The following SVIL variants were observed in gnomAD, a reference collection of about 807,000 sequenced individuals.
SVIL encodes archvillin.
SVIL carries 101 observed loss-of-function variants against 240.4 expected under a neutral mutation model. The observed-to-expected ratio is 0.42, with a 90% CI of 0.36 to 0.50. The LOEUF (loss-of-function observed/expected upper bound fraction) is 0.50. SVIL is among the 20% of genes least tolerant of loss of function. The probability of loss-of-function intolerance (pLI) is 0.01; values close to 1 mark genes in which losing one functional copy is unlikely to be tolerated. For synonymous variants in SVIL, 999 were observed against 1,100.0 expected, an observed-to-expected ratio of 0.91 and a Z score of 1.82; for missense variants, 2,512 against 2,818.7, an observed-to-expected ratio of 0.89 and a Z score of 2.46.
intron 1 of SVIL, among the ~76,000 whole-genome samples, chr10:29,623,666 C>T (rs548263050): frequency 9.2e-5 from 14 of 152,254 alleles, no homozygotes; most frequent in Admixed American, 5.2e-4. Context: ...CTGGCTAACA[C>T]GGGGAAACCC....
chr10:29,685,491 A>G (rs1197680863), intron 2 of SVIL, among the ~76,000 whole-genome samples: 1 of 152,200 alleles, frequency 6.6e-6, no homozygotes, highest in Non-Finnish European at 1.5e-5. Context: ...TCTTCAAGGA[A>G]TTGTCACACT....
Position 29,533,418 on chromosome 10 carries a change from G to T in SVIL, c.949C>A (p.Arg317=). Residue 317 remains arginine, a synonymous_variant, in exon 8 of 38, where the codon CGA becomes AGA. Coordinates refer to ENST00000355867, the MANE Select transcript of SVIL (RefSeq NM_021738.3). ...REKLVKEESA[R]NSPELASESV... is the part of the protein sequence containing the mutation. ...TCTGAGGCGAGTTCAGGGCTGTTTCGAGCACTTTCCTCTTTCACCAATTTT... is the reference window on the plus strand; with the variant it reads ...TCTGAGGCGAGTTCAGGGCTGTTTCTAGCACTTTCCTCTTTCACCAATTTT... The T allele has an allele frequency of 6.2e-7, 1 of 1,613,708 alleles. No individual in the cohort carries two copies. The highest frequency in any genetic ancestry group is 8.5e-7 in the Non-Finnish European group (1 of 1,179,834).
chr10:29,649,944 A>G (rs1958786210), intron 3 of SVIL, among the ~76,000 whole-genome samples: 1 of 152,232 alleles, frequency 6.6e-6, no homozygotes, highest in Non-Finnish European at 1.5e-5. Flanking sequence ...TTGCTATAAA[A>G]GTGCGTACAT....
At chr10:29,536,515 T>C (rs570536575) in intron 6 of SVIL, among the ~76,000 whole-genome samples, 16 of 152,108 alleles carry the variant, frequency 1.1e-4, no homozygotes, top group Non-Finnish European at 2.4e-4. Flanking sequence ...CTTCATGGAG[T>C]TTCCAGGACA....
chr10:29,496,772 T>C (rs1444987314), intron 18 of SVIL, among the ~76,000 whole-genome samples: 2 of 152,220 alleles, frequency 1.3e-5, no homozygotes, highest in African/African-American at 4.8e-5. Context: ...GATGTCAATG[T>C]GGACAAGGGC....
intron 2 of SVIL, among the ~76,000 whole-genome samples, chr10:29,665,923 G>A (rs564071325): frequency 6.6e-6 from 1 of 152,232 alleles, no homozygotes; most frequent in African/African-American, 2.4e-5. Context: ...CCCCCATAAC[G>A]GGGGAAAAAA....
chr10:29,719,308 C>T (rs779149535), intron 1 of SVIL, among the ~76,000 whole-genome samples: 4 of 152,238 alleles, frequency 2.6e-5, no homozygotes, highest in South Asian at 2.1e-4. Context: ...TCGGTATAAA[C>T]GGGTTAAGAA....
Position 29,470,425 on chromosome 10 carries a change from TTC to T in SVIL, c.5692_5693del (p.Glu1898SerfsTer6). 6.2e-7 allele frequency: 1 copy of T among 1,614,208 alleles called. No homozygotes were observed. Among genetic ancestry groups the T allele is most frequent in the Non-Finnish European group, 8.5e-7 (1 of 1,180,038 alleles). On this transcript the variant is annotated frameshift_variant, in exon 32 of 38. Transcript: ENST00000355867. LOFTEE classifies it high-confidence loss of function. ...GEVPVEGNLL[E>X]VACHCSSLRS... ...TCAGGCTGCTACAGTGACAGGCCAC[TTC>T]CAGCAAATTCCCTTCCACGGGCACC...
At chr10:29,639,451 G>A (rs1472774549), upstream of SVIL, among the ~76,000 whole-genome samples, 4 of 148,896 alleles carry the variant, frequency 2.7e-5, no homozygotes, top group Non-Finnish European at 4.4e-5. Context: ...TTACAGGCAT[G>A]AGCCACTGCG....
intron 34 of SVIL, 109 bp from the exon 35 acceptor site, chr10:29,463,744 A>AG: frequency 6.8e-7 from 1 of 1,463,098 alleles, no homozygotes; most frequent in Non-Finnish European, 9.1e-7. Flanking sequence ...GCAGTGTCAC[A>AG]GGGGGAAACC....
At chr10:29,629,189 G>A (rs2132943322) in intron 1 of SVIL, among the ~76,000 whole-genome samples, 1 of 152,242 alleles carries the variant, frequency 6.6e-6, no homozygotes, top group East Asian at 1.9e-4. Context: ...GAGAAGAGCA[G>A]AGTGGAAAAT....
chr10:29,696,725 C>G (rs569441635), intron 1 of SVIL, among the ~76,000 whole-genome samples: 1 of 150,712 alleles, frequency 6.6e-6, no homozygotes, highest in Non-Finnish European at 1.5e-5. Flanking sequence ...GCAACCGCCC[C>G]GTCTGAGAAG....
chr10:29,616,732 T>G (rs1386704574), intron 1 of SVIL, among the ~76,000 whole-genome samples: 1 of 152,094 alleles, frequency 6.6e-6, no homozygotes, highest in Non-Finnish European at 1.5e-5. Flanking sequence ...TCTTTTTTAT[T>G]TTGTTTGAGA....
At chr10:29,687,601 G>A (rs896380242) in intron 1 of SVIL, among the ~76,000 whole-genome samples, 3 of 152,204 alleles carry the variant, frequency 2.0e-5, no homozygotes, top group African/African-American at 4.8e-5. Flanking sequence ...TTCAATCTGG[G>A]AAGGGAGGTT....
intron 1 of SVIL, among the ~76,000 whole-genome samples, chr10:29,605,456 T>C (rs1055917390): frequency 6.6e-6 from 1 of 152,198 alleles, no homozygotes; most frequent in Non-Finnish European, 1.5e-5. Context: ...TTCTTTCCTC[T>C]TACTAAAAAT....
At chr10:29,664,659 T>C (rs1959196241) in intron 2 of SVIL, among the ~76,000 whole-genome samples, 1 of 151,184 alleles carries the variant, frequency 6.6e-6, no homozygotes. Context: ...GAAGAGTCAA[T>C]TTTATATTTC....
chr10:29,481,519 A>G (rs1388354323), intron 28 of SVIL, 65 bp downstream of exon 28: 3 of 1,601,304 alleles, frequency 1.9e-6, no homozygotes, highest in East Asian at 4.5e-5. Flanking sequence ...ATCATTTTAC[A>G]TGAAGGCCAC....
At position 29,532,779 on chromosome 10, in the gene SVIL, G is replaced by C. The variant is rs1951467557; in HGVS notation, c.1588C>G (p.Pro530Ala). The part of the protein sequence containing the change: ...QSEPVSQDAK[P>A]TGHNREASKK... Reference sequence around the variant, plus strand: ...GAGGCTTCCCTGTTGTGACCAGTTGGTTTGGCGTCTTGGGACACAGGCTCA... The same window carrying C: ...GAGGCTTCCCTGTTGTGACCAGTTGCTTTGGCGTCTTGGGACACAGGCTCA... Residue 530 changes from proline (P) to alanine (A), a missense_variant, in exon 8 of 38, where the codon CCA becomes GCA. Physicochemically the swap from Pro to Ala is conservative, Grantham distance 27. Coordinates refer to ENST00000355867, the MANE Select transcript of SVIL (RefSeq NM_021738.3). 1.2e-6 allele frequency: 2 copies of C among 1,614,178 alleles called. No individual in the cohort carries two copies. Among genetic ancestry groups the C allele is most frequent in the Non-Finnish European group, 1.7e-6 (2 of 1,180,042 alleles).
At chr10:29,628,984 T>A (rs1353978337) in intron 1 of SVIL, among the ~76,000 whole-genome samples, 1 of 152,064 alleles carries the variant, frequency 6.6e-6, no homozygotes, top group African/African-American at 2.4e-5. Flanking sequence ...AGGGGTTCCA[T>A]CCCAGGGAGG....
Sources: allele counts gnomAD v4.1 joint callset (sites outside exome capture counted in the v4.1 genomes callset), GRCh38; gene constraint gnomAD v4.1.1; transcripts MANE v1.5; gene names NCBI Gene and HGNC (gene_info 2026-07-23, HGNC 2026-07-21).